Variants in COMMD10 observed in about 807,000 individuals in gnomAD.
COMMD10 encodes the protein COMM domain-containing protein 10.
COMMD10 carries 33 observed loss-of-function variants against 28.9 expected under a neutral mutation model. The observed-to-expected ratio is 1.14, with a 90% CI of 0.87 to 1.53. COMMD10 has a LOEUF of 1.53. Among genes scored for constraint, COMMD10 ranks in the 40% most tolerant of loss-of-function variants. The probability of loss-of-function intolerance (pLI) is 0.00; values close to 1 mark genes in which losing one functional copy is unlikely to be tolerated. For synonymous variants in COMMD10, 110 were observed against 81.7 expected, an observed-to-expected ratio of 1.35 and a Z score of -1.87; for missense variants, 310 against 233.4, an observed-to-expected ratio of 1.33 and a Z score of -2.14.
At chr5:116,266,973 G>T (rs887686225) in intron 5 of COMMD10, among the ~76,000 whole-genome samples, 2 of 151,606 alleles carry the variant, frequency 1.3e-5, no homozygotes, top group Non-Finnish European at 1.5e-5. Flanking sequence ...ATTTATGACA[G>T]ACCCACAGCC....
intron 5 of COMMD10, among the ~76,000 whole-genome samples, chr5:116,284,356 G>A (rs376128363): frequency 1.3e-4 from 19 of 151,588 alleles, no homozygotes; most frequent in Admixed American, 5.9e-4. Flanking sequence ...GTGTGTGTGT[G>A]TATATATATG....
At chr5:116,198,306 G>C (rs1248091822) in intron 5 of COMMD10, among the ~76,000 whole-genome samples, 3 of 151,986 alleles carry the variant, frequency 2.0e-5, no homozygotes, top group Non-Finnish European at 4.4e-5. Context: ...TGACATAATT[G>C]GTTGTTATGG....
At chr5:116,119,470 T>C (rs1751351256) in intron 4 of COMMD10, among the ~76,000 whole-genome samples, 1 of 152,214 alleles carries the variant, frequency 6.6e-6, no homozygotes, top group South Asian at 2.1e-4. Context: ...GCCTAATGGG[T>C]AACCCTGTTG....
Position 116,233,377 on chromosome 5 carries a change from T to A in COMMD10, c.511-58140T>A, listed in dbSNP as rs73259063. Among the ~76,000 whole-genome samples the A allele has an allele frequency of 9.3e-3, 1,423 of 152,270 alleles. 27 individuals carry two copies. The highest frequency in any genetic ancestry group is 0.032 in the African/African-American group (1,325 of 41,550). ...ACATAGTATATATAAGGGTCAGTGC[T>A]ATCAGCAGTTTCAGGCATCCTTTGG... On this transcript the variant is annotated intron_variant, in intron 5 of 6. Coordinates refer to ENST00000274458, the MANE Select transcript of COMMD10 (RefSeq NM_016144.4).
intron 4 of COMMD10, among the ~76,000 whole-genome samples, chr5:116,121,354 G>C (rs1751429313): frequency 6.6e-6 from 1 of 152,148 alleles, no homozygotes; most frequent in Non-Finnish European, 1.5e-5. Flanking sequence ...GTGTATATGT[G>C]CCACATTTTC....
intron 4 of COMMD10, among the ~76,000 whole-genome samples, chr5:116,119,792 T>A (rs576467504): frequency 1.3e-5 from 2 of 152,072 alleles, no homozygotes; most frequent in African/African-American, 4.8e-5. Context: ...TTAAAGAACA[T>A]TTTCATAGAG....
At position 116,173,849 on chromosome 5, in the gene COMMD10, GTTTT is replaced by G. The variant is rs761332339; in HGVS notation, c.510+39681_510+39684del. 5.1e-5 allele frequency among the ~76,000 whole-genome samples: 6 copies of G among 117,172 alleles called. No homozygotes were observed. The East Asian group carries it at 1.2e-3, about 23-fold the overall frequency. 76.9% of individuals were successfully genotyped at this position (117,172 alleles called of 152,430 possible). The stretch of plus-strand genomic sequence containing the variant: ...TTTTGTTTTGTTTTGTTTTGTTTTT[GTTTT>G]TTTTTTTTTGGAACAAGGACAGTCA... On this transcript the variant is annotated intron_variant, in intron 5 of 6. Coordinates refer to ENST00000274458, the MANE Select transcript of COMMD10 (RefSeq NM_016144.4).
chr5:116,251,538 C>T (rs1182547326), intron 5 of COMMD10, among the ~76,000 whole-genome samples: 7 of 148,684 alleles, frequency 4.7e-5, no homozygotes, highest in Non-Finnish European at 8.9e-5. Flanking sequence ...TGAGAATATG[C>T]GGTGTTTGGT....
At chr5:116,177,147 C>T (rs143662250) in intron 5 of COMMD10, among the ~76,000 whole-genome samples, 17 of 152,070 alleles carry the variant, frequency 1.1e-4, no homozygotes, top group Non-Finnish European at 2.2e-4. Flanking sequence ...GTTGGAAGAG[C>T]CTCAGAGTGG....
At chr5:116,168,535 C>A (rs1404042976) in intron 5 of COMMD10, among the ~76,000 whole-genome samples, 1 of 151,964 alleles carries the variant, frequency 6.6e-6, no homozygotes, top group Admixed American at 6.6e-5. Context: ...ATATATTCTT[C>A]TCAGCACTGC....
At chr5:116,218,320 A>C in intron 5 of COMMD10, 1 of 692,090 alleles carries the variant, frequency 1.4e-6, no homozygotes, top group Non-Finnish European at 2.7e-6. Flanking sequence ...TGGTGGTGGG[A>C]CATAGGCACT....
chr5:116,249,482 C>T (rs1750049715), intron 5 of COMMD10, among the ~76,000 whole-genome samples: 1 of 151,732 alleles, frequency 6.6e-6, no homozygotes, highest in Admixed American at 6.6e-5. Flanking sequence ...CTTATATAAG[C>T]AATGGTAATA....
intron 2 of COMMD10, among the ~76,000 whole-genome samples, chr5:116,089,453 G>A (rs372294197): frequency 7.9e-5 from 12 of 152,200 alleles, no homozygotes; most frequent in African/African-American, 2.7e-4. Context: ...TATTTCTTCA[G>A]CTGGTGGGTG....
At chr5:116,185,268 G>A (rs1748100318) in intron 5 of COMMD10, among the ~76,000 whole-genome samples, 1 of 151,970 alleles carries the variant, frequency 6.6e-6, no homozygotes, top group African/African-American at 2.4e-5. Flanking sequence ...GGTCAGTTGT[G>A]CTCTGAGTCC....
chr5:116,274,747 A>T (rs1750855513), intron 5 of COMMD10, among the ~76,000 whole-genome samples: 1 of 151,622 alleles, frequency 6.6e-6, no homozygotes, highest in African/African-American at 2.4e-5. Flanking sequence ...TCCCTGACCT[A>T]CCTCTAGTTT....
rs537914243 is a variant in COMMD10 at position 116,286,443 on chromosome 5, T to C, written c.511-5074T>C. On this transcript the variant is annotated intron_variant, in intron 5 of 6. Transcript: ENST00000274458. Reference sequence around the variant, plus strand: ...TTTTTTTTTCCTAGTTCCTTGGATGTAAAGTTAGGTTGTTAAGTTGAGATA... The same window carrying C: ...TTTTTTTTTCCTAGTTCCTTGGATGCAAAGTTAGGTTGTTAAGTTGAGATA... Among the ~76,000 whole-genome samples, 190 of 151,158 alleles carry C rather than the reference T, an allele frequency of 1.3e-3. 2 individuals carry two copies. The highest frequency in any genetic ancestry group is 4.4e-3 in the African/African-American group (179 of 41,086).
rs530082715 is a variant in COMMD10, at chr5:116,196,208, C to T, written c.510+62030C>T. Reference sequence around the variant, plus strand: ...ACCCAAATAAATGCCCATCAACCAACGAGTGGAGACTATTATTCTAAGTGA... The same window carrying T: ...ACCCAAATAAATGCCCATCAACCAATGAGTGGAGACTATTATTCTAAGTGA... On this transcript the variant is annotated intron_variant, in intron 5 of 6. Transcript: ENST00000274458. Among the ~76,000 whole-genome samples the T allele has an allele frequency of 6.8e-4, 103 of 152,188 alleles. 1 individual carries two copies. The highest frequency in any genetic ancestry group is 1.1e-3 in the Non-Finnish European group (72 of 68,008).
intron 5 of COMMD10, among the ~76,000 whole-genome samples, chr5:116,167,021 G>C (rs10069865): frequency 0.31 from 47,080 of 151,772 alleles, 10,196 homozygotes; most frequent in African/African-American, 0.62. Flanking sequence ...ACAGAAGTGG[G>C]CTTCAGAAAA....
intron 5 of COMMD10, among the ~76,000 whole-genome samples, chr5:116,283,416 G>A (rs1353694776): frequency 6.6e-6 from 1 of 151,024 alleles, no homozygotes; most frequent in Non-Finnish European, 1.5e-5. Flanking sequence ...GCACAGTCTT[G>A]GCTCACTGCA....
Sources: allele counts gnomAD v4.1 joint callset (sites outside exome capture counted in the v4.1 genomes callset), GRCh38; gene constraint gnomAD v4.1.1; transcripts MANE v1.5; gene names NCBI Gene and HGNC (gene_info 2026-07-23, HGNC 2026-07-21).